The following ATP8A2 variants were observed in gnomAD, a reference collection of about 807,000 sequenced individuals.
ATP8A2 encodes the protein phospholipid-transporting ATPase IB.
ATP8A2 carries 100 observed loss-of-function variants against 165.6 expected under a neutral mutation model. The ratio of observed to expected loss-of-function variants is 0.60; its 90% confidence interval spans 0.51 to 0.71. The LOEUF is 0.71. Ranked by LOEUF, ATP8A2 falls within the 30% of genes least tolerant of loss-of-function variation. The probability of loss-of-function intolerance (pLI) is 0.00; values close to 1 mark genes in which losing one functional copy is unlikely to be tolerated. For missense variants in ATP8A2, 1,227 were observed against 1,479.5 expected (o/e 0.83, Z 2.80); for synonymous variants, 543 against 548.8 (o/e 0.99, Z 0.15).
intron 25 of ATP8A2, among the ~76,000 whole-genome samples, chr13:25,765,997 G>A (rs1023280417): frequency 6.6e-5 from 10 of 152,190 alleles, no homozygotes; most frequent in African/African-American, 2.2e-4. Context: ...GGAGAGGCCA[G>A]CTTTCTTGAT....
intron 24 of ATP8A2, among the ~76,000 whole-genome samples, chr13:25,680,309 A>T (rs1208074048): frequency 6.6e-6 from 1 of 152,154 alleles, no homozygotes; most frequent in African/African-American, 2.4e-5. Context: ...TCACCATGCG[A>T]TGATGGAGGC....
At chr13:25,948,274 C>T (rs1018186924) in intron 33 of ATP8A2, among the ~76,000 whole-genome samples, 2 of 151,940 alleles carry the variant, frequency 1.3e-5, no homozygotes, top group Non-Finnish European at 2.9e-5. Context: ...CACACATCAT[C>T]GCTGGCCACA....
intron 24 of ATP8A2, among the ~76,000 whole-genome samples, chr13:25,611,479 G>A (rs926306374): frequency 6.6e-5 from 10 of 151,966 alleles, no homozygotes; most frequent in African/African-American, 9.7e-5. Flanking sequence ...TCATCCCTGC[G>A]TTCCTGGTAT....
intron 10 of ATP8A2, among the ~76,000 whole-genome samples, chr13:25,547,847 A>G (rs940585964): frequency 3.3e-5 from 5 of 152,340 alleles, no homozygotes; most frequent in African/African-American, 7.2e-5. Flanking sequence ...GTTTCTATTT[A>G]TAAGTCCGTT....
chr13:25,939,644 A>G (rs60850144), intron 33 of ATP8A2, among the ~76,000 whole-genome samples: 32,032 of 151,890 alleles, frequency 0.21, 3,453 homozygotes, highest in Admixed American at 0.26. Context: ...TGGGAGGTCC[A>G]TGTCCACAAT....
chr13:25,955,540 T>A (rs1044518471), intron 33 of ATP8A2, among the ~76,000 whole-genome samples: 7 of 152,300 alleles, frequency 4.6e-5, no homozygotes, highest in Non-Finnish European at 7.4e-5. Flanking sequence ...AATGGATAAA[T>A]TCCTGGACAC....
intron 1 of ATP8A2, among the ~76,000 whole-genome samples, chr13:25,374,574 A>C (rs2032549048): frequency 6.6e-6 from 1 of 152,168 alleles, no homozygotes; most frequent in Admixed American, 6.6e-5. Context: ...GTGATCTGAG[A>C]GTAACCGTGA....
chr13:25,628,475 G>A (rs143111328), intron 24 of ATP8A2, among the ~76,000 whole-genome samples: 74 of 152,136 alleles, frequency 4.9e-4, no homozygotes, highest in African/African-American at 1.7e-3. Context: ...CATTCTCATC[G>A]CTTTGCCTGA....
At chr13:25,490,727 T>G (rs9511819) in intron 2 of ATP8A2, among the ~76,000 whole-genome samples, 368 of 3,834 alleles carry the variant, frequency 0.096, 2 homozygotes, top group African/African-American at 0.13. Flanking sequence ...AGTTTTTTTG[T>G]TTTTTTTTTG....
intron 13 of ATP8A2, among the ~76,000 whole-genome samples, chr13:25,557,684 A>G (rs1457746003): frequency 1.3e-5 from 2 of 152,168 alleles, no homozygotes; most frequent in Non-Finnish European, 2.9e-5. Context: ...TGTGCAGTAT[A>G]TAATTGTTTG....
chr13:25,635,768 T>A (rs1001273956), intron 24 of ATP8A2, among the ~76,000 whole-genome samples: 2 of 152,214 alleles, frequency 1.3e-5, no homozygotes, highest in African/African-American at 2.4e-5. Context: ...GAAATGGAAC[T>A]GCTATAATTA....
At chr13:25,570,228 G>C (rs1273023008) in intron 16 of ATP8A2, among the ~76,000 whole-genome samples, 2 of 152,180 alleles carry the variant, frequency 1.3e-5, no homozygotes, top group Non-Finnish European at 2.9e-5. Context: ...GGTGGGGAAT[G>C]GGAGCCTGGA....
intron 33 of ATP8A2, among the ~76,000 whole-genome samples, chr13:25,872,050 A>ACC (rs375260876): frequency 2.7e-4 from 12 of 44,494 alleles, no homozygotes; most frequent in African/African-American, 1.0e-3. Flanking sequence ...CATTCCCCTC[A>ACC]CCCCCCCGCC....
At chr13:25,724,364 G>C (rs1195248489) in intron 25 of ATP8A2, among the ~76,000 whole-genome samples, 1 of 152,192 alleles carries the variant, frequency 6.6e-6, no homozygotes, top group Non-Finnish European at 1.5e-5. Context: ...TGGGATGTGT[G>C]GGTGAGGTCA....
chr13:25,735,508 A>G (rs2043747758), intron 25 of ATP8A2, among the ~76,000 whole-genome samples: 1 of 151,528 alleles, frequency 6.6e-6, no homozygotes, highest in Non-Finnish European at 1.5e-5. Flanking sequence ...TGATCTTCCT[A>G]CCTCGGCCTC....
intron 27 of ATP8A2, among the ~76,000 whole-genome samples, chr13:25,800,232 T>TA (rs1197136128): frequency 6.6e-6 from 1 of 152,230 alleles, no homozygotes; most frequent in Admixed American, 6.5e-5. Context: ...ACTAACTGCA[T>TA]ATGCTGCATC....
chr13:25,817,163 G>A (rs1238315635), intron 27 of ATP8A2, among the ~76,000 whole-genome samples: 2 of 152,084 alleles, frequency 1.3e-5, no homozygotes, highest in African/African-American at 4.8e-5. Context: ...CTGGTCTCAA[G>A]AGCTATTCAG....
intron 24 of ATP8A2, among the ~76,000 whole-genome samples, chr13:25,642,363 C>T (rs959608993): frequency 8.6e-5 from 13 of 152,024 alleles, no homozygotes; most frequent in Non-Finnish European, 1.9e-4. Flanking sequence ...TGACAAAGGG[C>T]TAATATCCAG....
chr13:25,599,451 C>T (rs2040324081), intron 24 of ATP8A2, among the ~76,000 whole-genome samples: 1 of 152,226 alleles, frequency 6.6e-6, no homozygotes, highest in Non-Finnish European at 1.5e-5. Context: ...TGTCTGAAAA[C>T]AGTGTGTTTC....
Sources: gnomAD v4.1 joint callset for allele counts (sites outside exome capture counted in the v4.1 genomes callset) on GRCh38, gnomAD v4.1.1 for gene constraint, MANE v1.5 for transcripts, NCBI Gene and HGNC (gene_info 2026-07-23, HGNC 2026-07-21) for gene names.